The following TINAG variants were observed in gnomAD, a reference collection of about 807,000 sequenced individuals.
The protein encoded by TINAG is tubulointerstitial nephritis antigen.
TINAG carries 83 observed loss-of-function variants against 72.7 expected under a neutral mutation model. That is an observed-to-expected ratio of 1.14 (90% CI 0.96 to 1.37). TINAG has a LOEUF of 1.37. Ranked by LOEUF, TINAG falls within the 40% of genes most tolerant of loss-of-function variation. The pLI is 0.00. For synonymous variants in TINAG, 234 were observed against 189.9 expected, an observed-to-expected ratio of 1.23 and a Z score of -1.91; for missense variants, 685 against 576.6, an observed-to-expected ratio of 1.19 and a Z score of -1.93.
In TINAG at chr6:54,326,820, C is replaced by T. The variant is rs1311683736; in HGVS notation, c.528C>T (p.Tyr176=). ...AAGGCAGATGGACAGCACAGAATTA[C>T]AGCCAATTTTGGGGAATGACTTTAG... is the stretch of plus-strand genomic sequence containing the variant. ...KGDYGWTAQN[Y]SQFWGMTLED... The change falls in exon 4 of 11, where the codon TAC becomes TAT. Residue 176 remains tyrosine (Y), a synonymous_variant. Coordinates refer to ENST00000259782, the MANE Select transcript of TINAG (RefSeq NM_014464.4). The T allele has an allele frequency of 6.2e-7, 1 of 1,610,928 alleles. No individual in the cohort carries two copies. Among genetic ancestry groups the T allele is most frequent in the Non-Finnish European group, 8.5e-7 (1 of 1,179,122 alleles).
intron 3 of TINAG, among the ~76,000 whole-genome samples, chr6:54,325,716 T>A (rs917651763): frequency 3.9e-5 from 6 of 152,188 alleles, no homozygotes; most frequent in Non-Finnish European, 7.4e-5. Flanking sequence ...AACAAAAACA[T>A]ACTTACTGAT....
intron 4 of TINAG, among the ~76,000 whole-genome samples, chr6:54,328,704 T>C (rs1046172864): frequency 1.3e-5 from 2 of 151,826 alleles, no homozygotes; most frequent in African/African-American, 2.4e-5. Context: ...TAACTGAATG[T>C]AAGGAAGCTA....
Position 54,308,498 on chromosome 6 carries a change from G to A in TINAG, c.-53G>A. 1 of 1,488,976 alleles carries A rather than the reference G, an allele frequency of 6.7e-7. No homozygotes were observed. The highest frequency in any genetic ancestry group is 1.3e-5 in the South Asian group (1 of 76,072). The allele number at this position is 1,488,976 out of a possible 1,614,324, so 92.2% of individuals were successfully genotyped here. Reference sequence around the variant, plus strand: ...CAGGTTCCAAGGAGAAGCCCACAAGGCTAAGGGTATTGGATATAACGGAAA... The same window carrying A: ...CAGGTTCCAAGGAGAAGCCCACAAGACTAAGGGTATTGGATATAACGGAAA... On this transcript the variant is annotated 5_prime_UTR_variant, in exon 1 of 11. Coordinates refer to ENST00000259782, the MANE Select transcript of TINAG (RefSeq NM_014464.4).
At chr6:54,374,334 G>T (rs137867097) in intron 9 of TINAG, among the ~76,000 whole-genome samples, 1 of 151,942 alleles carries the variant, frequency 6.6e-6, no homozygotes, top group South Asian at 2.1e-4. Flanking sequence ...AGAACATATC[G>T]ATAAAAGTAC....
chr6:54,315,901 A>C (rs1784362451), intron 1 of TINAG, among the ~76,000 whole-genome samples: 1 of 152,152 alleles, frequency 6.6e-6, no homozygotes. Context: ...ACATGTTTGA[A>C]TTCGAAGAGG....
chr6:54,356,058 T>C (rs1309713993), intron 9 of TINAG, among the ~76,000 whole-genome samples: 2 of 151,894 alleles, frequency 1.3e-5, no homozygotes, highest in Admixed American at 6.6e-5. Flanking sequence ...GTTATAAAAC[T>C]GAATAGTTTT....
At chr6:54,365,908 T>TCCTA (rs1763397230) in intron 9 of TINAG, among the ~76,000 whole-genome samples, 1 of 151,518 alleles carries the variant, frequency 6.6e-6, no homozygotes, top group Non-Finnish European at 1.5e-5. Flanking sequence ...TGTGTGTCTG[T>TCCTA]AGTACCAGCT....
intron 10 of TINAG, among the ~76,000 whole-genome samples, chr6:54,381,854 A>G (rs80078400): frequency 0.017 from 2,605 of 152,096 alleles, 38 homozygotes; most frequent in Non-Finnish European, 0.025. Flanking sequence ...AATGTATTTA[A>G]CTCACAACAG....
intron 9 of TINAG, among the ~76,000 whole-genome samples, chr6:54,358,985 A>G (rs949540175): frequency 1.3e-5 from 2 of 151,850 alleles, no homozygotes; most frequent in African/African-American, 4.8e-5. Flanking sequence ...CCAGTGGTGC[A>G]GGGGAACGGT....
intron 4 of TINAG, among the ~76,000 whole-genome samples, chr6:54,330,147 C>T (rs777039667): frequency 1.3e-5 from 2 of 152,272 alleles, no homozygotes; most frequent in Non-Finnish European, 2.9e-5. Context: ...GAACTCTCCA[C>T]CCCAAATCAA....
chr6:54,372,715 TATAA>T (rs1763656890), intron 9 of TINAG, among the ~76,000 whole-genome samples: 1 of 143,850 alleles, frequency 7.0e-6, no homozygotes, highest in Non-Finnish European at 1.5e-5. Context: ...AAGAATATTA[TATAA>T]ATACATACAT....
Position 54,354,563 on chromosome 6 carries a change from A to G in TINAG, c.1177A>G (p.Arg393Gly). The change falls in exon 9 of 11, where the codon AGA (arginine) becomes GGA (glycine). Residue 393 changes from arginine to glycine, a missense_variant. Arg to Gly is a moderately radical substitution (Grantham distance 125). Coordinates refer to ENST00000259782, the MANE Select transcript of TINAG (RefSeq NM_014464.4). ...CTTCCATTATAAGACAGGGATATAC[A>G]GACATGTTACCAGCACAAATAAAGA... ...DFFHYKTGIY[R>G]HVTSTNKESE... The G allele has an allele frequency of 6.2e-7, 1 of 1,610,668 alleles. No homozygotes were observed. Among genetic ancestry groups the G allele is most frequent in the Non-Finnish European group, 8.5e-7 (1 of 1,177,974 alleles).
chr6:54,313,862 A>G (rs1431274019), intron 1 of TINAG, among the ~76,000 whole-genome samples: 1 of 152,186 alleles, frequency 6.6e-6, no homozygotes, highest in East Asian at 1.9e-4. Flanking sequence ...TATTGTTTAT[A>G]GTTTAAATGT....
chr6:54,347,615 TA>T (rs1785158008), intron 6 of TINAG, 98 bp downstream of exon 6: 18 of 1,179,098 alleles, frequency 1.5e-5, no homozygotes, highest in Non-Finnish European at 1.9e-5. Context: ...AAAAAGTACT[TA>T]AAAATATATA....
chr6:54,349,602 C>T, intron 6 of TINAG, 114 bp from the exon 7 acceptor site: 2 of 943,732 alleles, frequency 2.1e-6, no homozygotes, highest in South Asian at 3.0e-5. Context: ...GAAAATTATG[C>T]ATGTAAGTAA....
chr6:54,380,425 G>C lies in TINAG; in HGVS notation c.1251-101G>C, dbSNP rs1763912439. 8 of 959,456 alleles carry C rather than the reference G, an allele frequency of 8.3e-6. No individual in the cohort carries two copies. The East Asian group carries it at 2.1e-4, about 26-fold the overall frequency. 59.4% of individuals were successfully genotyped at this position (959,456 alleles called of 1,614,324 possible). On this transcript the variant is annotated intron_variant, in intron 9 of 10. Transcript: ENST00000259782. ...ATTGTGAAACAGGATGGGACAGAGA[G>C]AAAGCACAAAAGATGTAGGAATGAC...
At chr6:54,325,474 A>G (rs1233781953) in intron 3 of TINAG, among the ~76,000 whole-genome samples, 1 of 152,194 alleles carries the variant, frequency 6.6e-6, no homozygotes, top group African/African-American at 2.4e-5. Context: ...AGTAGAACAT[A>G]CATTTTACTT....
intron 9 of TINAG, among the ~76,000 whole-genome samples, chr6:54,369,720 T>C (rs1763547437): frequency 6.6e-6 from 1 of 151,928 alleles, no homozygotes; most frequent in Non-Finnish European, 1.5e-5. Flanking sequence ...TTACTGCCAT[T>C]ATGATATTAA....
intron 4 of TINAG, among the ~76,000 whole-genome samples, chr6:54,330,145 C>T (rs868141449): frequency 1.3e-5 from 2 of 152,150 alleles, no homozygotes; most frequent in Admixed American, 6.5e-5. Context: ...CAGAACTCTC[C>T]ACCCCAAATC....
Sources: gnomAD v4.1 joint callset for allele counts (sites outside exome capture counted in the v4.1 genomes callset) on GRCh38, gnomAD v4.1.1 for gene constraint, MANE v1.5 for transcripts, NCBI Gene and HGNC (gene_info 2026-07-23, HGNC 2026-07-21) for gene names.